CACNA1I: variants seen among roughly 807,000 people sequenced by gnomAD.
CACNA1I encodes voltage-dependent T-type calcium channel subunit alpha-1I.
In CACNA1I, 74 loss-of-function variants were observed where a neutral mutation model predicts 201.6. The ratio of observed to expected loss-of-function variants is 0.37; its 90% CI spans 0.30 to 0.45. The LOEUF is 0.45. Ranked by LOEUF, CACNA1I falls within the 20% of genes least tolerant of loss-of-function variation. CACNA1I has a pLI of 1.00. For missense variants in CACNA1I, 2,346 were observed against 3,138.1 expected (o/e 0.75, Z 6.03); for synonymous variants, 1,431 against 1,345.2 (o/e 1.06, Z -1.40).
intron 23 of CACNA1I, among the ~76,000 whole-genome samples, chr22:39,667,926 G>A (rs73163055): frequency 0.042 from 6,413 of 152,214 alleles, 192 homozygotes; most frequent in Non-Finnish European, 0.066. Context: ...AGCCTCAGCT[G>A]GCCCTCCCAG....
chr22:39,646,526 C>A, intron 7 of CACNA1I, 43 bp from the exon 8 acceptor site: 1 of 1,502,444 alleles, frequency 6.7e-7, no homozygotes, highest in South Asian at 1.3e-5. Flanking sequence ...CTGTCCCCTC[C>A]ATCCCTGTCC....
intron 3 of CACNA1I, among the ~76,000 whole-genome samples, chr22:39,618,422 ACT>A (rs1396449097): frequency 6.9e-5 from 10 of 145,362 alleles, no homozygotes; most frequent in African/African-American, 1.8e-4. Flanking sequence ...CATGTACGTG[ACT>A]CTGTGTATGC....
rs1935217847 is a variant in CACNA1I at position 39,666,931 on chromosome 22, C to CAG, written c.4104+925_4104+926insAG. Reference sequence around the variant, plus strand: ...GGGAACCAGCCAGCGGCCTTTTGTGCCCGTGCTCCTGACCCCCTTCACCTA... The same window carrying CAG: ...GGGAACCAGCCAGCGGCCTTTTGTGCAGCCGTGCTCCTGACCCCCTTCACCTA... On this transcript the variant is annotated intron_variant, in intron 23 of 36. Coordinates refer to ENST00000402142, the MANE Select transcript of CACNA1I (RefSeq NM_021096.4). This position sits in a 1 kb window ranked among gnomAD's most constrained non-coding sequence, Gnocchi z 4.1. Among the ~76,000 whole-genome samples the CAG allele has an allele frequency of 2.0e-5, 3 of 151,302 alleles. No homozygotes were observed. Among genetic ancestry groups the CAG allele is most frequent in the Admixed American group, 1.3e-4 (2 of 15,234 alleles).
rs962816834 is a variant in CACNA1I, at chr22:39,677,475, A to T, written c.4933+56A>T. On this transcript the variant is annotated intron_variant, in intron 30 of 36. Transcript: ENST00000402142. The surrounding 1 kb of genome is among the most constrained non-coding windows in gnomAD (Gnocchi z 4.8). Reference sequence around the variant, plus strand: ...GGGGTGCAGCAGGGCTGCAGGAGGAACTGGGGGGGCGGGGGAGGCCTGAGA... The same window carrying T: ...GGGGTGCAGCAGGGCTGCAGGAGGATCTGGGGGGGCGGGGGAGGCCTGAGA... The T allele has an allele frequency of 3.7e-6, 4 of 1,074,520 alleles. No individual in the cohort carries two copies. The African/African-American group carries it at 4.8e-5, about 13-fold the overall frequency. The allele number at this position is 1,074,520 out of a possible 1,614,324, so 66.6% of individuals were successfully genotyped here. A position where few individuals can be genotyped will look rare whatever the true frequency, so the allele number is the denominator to read the frequency against.
intron 4 of CACNA1I, 140 bp from the exon 5 acceptor site, chr22:39,634,425 C>T: frequency 1.2e-6 from 1 of 806,332 alleles, no homozygotes; most frequent in East Asian, 2.4e-5. Context: ...CTGGCAGCCA[C>T]TGAACAGGAT....
chr22:39,639,753 C>G (rs1340350723), intron 5 of CACNA1I, among the ~76,000 whole-genome samples: 1 of 152,170 alleles, frequency 6.6e-6, no homozygotes, highest in African/African-American at 2.4e-5. Flanking sequence ...GTCTGAAAAG[C>G]CATCTCTGTG....
In CACNA1I at chr22:39,648,017, G is replaced by C; in HGVS notation, c.1567+91G>C. ...TGAGAAGGAAGTCGGCAGGCATGGG[G>C]ACGGCGCTTGAGCAGCCGCGACCCT... On this transcript the variant is annotated intron_variant, in intron 9 of 36. Coordinates refer to ENST00000402142, the MANE Select transcript of CACNA1I (RefSeq NM_021096.4). This position sits in a 1 kb window ranked among gnomAD's most constrained non-coding sequence, Gnocchi z 5.4. 8.6e-7 allele frequency: 1 copy of C among 1,160,832 alleles called. No individual in the cohort carries two copies. Among genetic ancestry groups the C allele is most frequent in the Non-Finnish European group, 1.3e-6 (1 of 793,116 alleles). The allele number at this position is 1,160,832 out of a possible 1,614,324, so 71.9% of individuals were successfully genotyped here. A position where few individuals can be genotyped will look rare whatever the true frequency, so the allele number is the denominator to read the frequency against.
intron 3 of CACNA1I, among the ~76,000 whole-genome samples, chr22:39,605,065 C>T (rs1933175548): frequency 1.3e-5 from 2 of 148,520 alleles, no homozygotes; most frequent in South Asian, 4.3e-4. Flanking sequence ...GGTCCCCCTC[C>T]CACCCAAGAC....
intron 10 of CACNA1I, 150 bp from the exon 11 acceptor site, chr22:39,658,002 G>A (rs1364361389): frequency 1.4e-5 from 11 of 758,788 alleles, no homozygotes; most frequent in African/African-American, 5.2e-5. Flanking sequence ...AGGGGCCCTC[G>A]GGGCCTTGTG....
rs1934547974 is a variant in CACNA1I at position 39,648,235 on chromosome 22, C to T, written c.1567+309C>T. On this transcript the variant is annotated intron_variant, in intron 9 of 36. Transcript: ENST00000402142. This position sits in a 1 kb window ranked among gnomAD's most constrained non-coding sequence, Gnocchi z 5.4. ...GCTGCCGCCCACCCGTCCTCGGGTG[C>T]CAGCCATCCAGGCGTGGGCTCGGAG... Among the ~76,000 whole-genome samples the T allele has an allele frequency of 6.6e-6, 1 of 152,102 alleles. No homozygotes were observed. Among genetic ancestry groups the T allele is most frequent in the Non-Finnish European group, 1.5e-5 (1 of 68,020 alleles).
chr22:39,662,845 T>G lies in CACNA1I; in HGVS notation c.3442T>G (p.Trp1148Gly). 6.2e-7 allele frequency: 1 copy of G among 1,600,574 alleles called. No individual in the cohort carries two copies. The highest frequency in any genetic ancestry group is 8.5e-7 in the Non-Finnish European group (1 of 1,173,926). ...KPDWCEVRED[W>G]SVYLFSPENR... ...CGACTGGTGCGAGGTCCGCGAAGAC[T>G]GGTCTGTCTACCTCTTCTCTCCCGA... Residue 1148 changes from tryptophan to glycine, a missense_variant, in exon 18 of 37, where the codon TGG becomes GGG. By Grantham distance (184) the Trp-to-Gly change is radical (BLOSUM62 -2). This residue lies in a region of CACNA1I where 158 missense variants were observed against 231.6 expected (regional missense o/e 0.68). Coordinates refer to ENST00000402142, the MANE Select transcript of CACNA1I (RefSeq NM_021096.4).
chr22:39,662,004 A>G lies in CACNA1I; in HGVS notation c.2941A>G (p.Ser981Gly). 1 of 1,563,716 alleles carries G rather than the reference A, an allele frequency of 6.4e-7. No individual in the cohort carries two copies. Among genetic ancestry groups the G allele is most frequent in the Non-Finnish European group, 8.6e-7 (1 of 1,159,720 alleles). The change falls in exon 17 of 37, where the codon AGC (serine) becomes GGC (glycine). Residue 981 changes from serine to glycine, a missense_variant. By Grantham distance (56) the Ser-to-Gly change is moderately conservative (BLOSUM62 0). Transcript: ENST00000402142. ...CTCCTACTACGGGCCATGGGGCCGC[A>G]GCGCGGCCTGGGCCAGCCGTCGCTC... The part of the protein sequence containing the change: ...RSSYYGPWGR[S>G]AAWASRRSSW...
At position 39,570,950 on chromosome 22, in the gene CACNA1I, C is replaced by T. The variant is rs1932162399; in HGVS notation, c.198C>T (p.Thr66=). 1.2e-6 allele frequency: 2 copies of T among 1,613,730 alleles called. No individual in the cohort carries two copies. The highest frequency in any genetic ancestry group is 2.7e-5 in the African/African-American group (2 of 74,870). The change falls in exon 1 of 37, where the codon ACC becomes ACT. Residue 66 remains threonine, a synonymous_variant. Coordinates refer to ENST00000402142, the MANE Select transcript of CACNA1I (RefSeq NM_021096.4). ...CCTTCTTCTGCCTGCGACAGACCAC[C>T]AGCCCCCGGAACTGGTGCATCAAGA... ...PIAFFCLRQT[T]SPRNWCIKMV... is the part of the protein sequence containing the mutation.
intron 1 of CACNA1I, among the ~76,000 whole-genome samples, chr22:39,595,085 C>T (rs532625685): frequency 6.7e-6 from 1 of 150,326 alleles, no homozygotes; most frequent in South Asian, 2.1e-4. Context: ...GTCAGGAGAT[C>T]GAGACCATCT....
chr22:39,606,820 C>G (rs1195308210), intron 3 of CACNA1I, among the ~76,000 whole-genome samples: 1 of 152,272 alleles, frequency 6.6e-6, no homozygotes, highest in African/African-American at 2.4e-5. Flanking sequence ...GCATGAGTCA[C>G]TATGTCTGGC....
chr22:39,647,535 C>T lies in CACNA1I; in HGVS notation c.1463-287C>T, dbSNP rs535066312. On this transcript the variant is annotated intron_variant, in intron 8 of 36. Transcript: ENST00000402142. The stretch of plus-strand genomic sequence containing the variant: ...TAAGCCATCCTCCTGCCTCAGCCTT[C>T]GGAGTAGCTGGGACTACAGGCATGC... 1.6e-4 allele frequency among the ~76,000 whole-genome samples: 25 copies of T among 152,326 alleles called. No homozygotes were observed. In the South Asian group the frequency reaches 2.5e-3, roughly 15 times the overall value.
At chr22:39,634,290 G>T (rs1460925735) in intron 4 of CACNA1I, among the ~76,000 whole-genome samples, 2 of 152,158 alleles carry the variant, frequency 1.3e-5, no homozygotes, top group African/African-American at 4.8e-5. Context: ...AAGAACACTT[G>T]GTACATAAAA....
intron 4 of CACNA1I, among the ~76,000 whole-genome samples, chr22:39,625,164 C>T (rs1162111812): frequency 5.3e-5 from 8 of 151,938 alleles, no homozygotes; most frequent in Non-Finnish European, 8.8e-5. Context: ...TCTCGGTCTC[C>T]CAAAGTGCTG....
At chr22:39,618,648 A>T (rs1461892023) in intron 3 of CACNA1I, among the ~76,000 whole-genome samples, 1 of 151,424 alleles carries the variant, frequency 6.6e-6, no homozygotes, top group South Asian at 2.1e-4. Flanking sequence ...GACAGTGGTG[A>T]CATGGGTGGT....
Sources: gnomAD v4.1 joint callset for allele counts (sites outside exome capture counted in the v4.1 genomes callset) on GRCh38, gnomAD v4.1.1 for gene constraint, gnomAD v4.1.1 regional missense constraint, Gnocchi (gnomAD v3.1) non-coding constraint, MANE v1.5 for transcripts, NCBI Gene and HGNC (gene_info 2026-07-23, HGNC 2026-07-21) for gene names.